The following NT5DC3 variants were observed in gnomAD, a reference collection of about 807,000 sequenced individuals.
The protein encoded by NT5DC3 is 5'-nucleotidase domain containing 3.
In NT5DC3, 42 loss-of-function variants were observed where a neutral mutation model predicts 67.8. The ratio of observed to expected loss-of-function variants is 0.62; its 90% CI spans 0.48 to 0.80. The LOEUF (loss-of-function observed/expected upper bound fraction) is 0.80, where lower values mean the gene tolerates loss of function less well. NT5DC3 is among the 30% of genes least tolerant of loss of function. The pLI is 0.00. For synonymous variants in NT5DC3, 237 were observed against 255.6 expected, an observed-to-expected ratio of 0.93 and a Z score of 0.69; for missense variants, 570 against 696.4, an observed-to-expected ratio of 0.82 and a Z score of 2.04.
At chr12:103,839,563 T>C (rs1398632481) in intron 1 of NT5DC3, among the ~76,000 whole-genome samples, 2 of 152,106 alleles carry the variant, frequency 1.3e-5, no homozygotes, top group Non-Finnish European at 2.9e-5. Context: ...TTAAACTGCA[T>C]GTAAATATAC....
the NT5DC3 span, among the ~76,000 whole-genome samples, chr12:103,750,085 T>C: frequency 6.6e-6 from 1 of 152,070 alleles, no homozygotes; most frequent in East Asian, 1.9e-4. Context: ...ATAGAGTTGT[T>C]GTGGGGATTA....
chr12:103,840,866 G>C, intron 1 of NT5DC3, 83 bp downstream of exon 1: 2 of 737,364 alleles, frequency 2.7e-6, no homozygotes, highest in Non-Finnish European at 3.8e-6. Flanking sequence ...AGCTGGGCTG[G>C]TCCGGGTCCT....
rs1202016626 is a variant in NT5DC3, at chr12:103,776,147, G to A, written c.*1682C>T. Reference sequence around the variant, plus strand: ...ACAGCAGACATTCCCATAGCACTCAGAGAGTGCAGTAAATATGCACTTTAC... The same window carrying A: ...ACAGCAGACATTCCCATAGCACTCAAAGAGTGCAGTAAATATGCACTTTAC... On this transcript the variant is annotated 3_prime_UTR_variant, in exon 14 of 14. Transcript: ENST00000392876. 2 of 152,134 alleles carry A rather than the reference G, an allele frequency of 1.3e-5. No homozygotes were observed. The highest frequency in any genetic ancestry group is 2.9e-5 in the Non-Finnish European group (2 of 68,034). 9.4% of individuals were successfully genotyped at this position (152,134 alleles called of 1,614,324 possible).
chr12:103,763,741 A>C, the NT5DC3 span: 1 of 892,834 alleles, frequency 1.1e-6, no homozygotes, highest in Non-Finnish European at 1.7e-6. Flanking sequence ...AACAAGCCTA[A>C]AAGCCAGTTT....
chr12:103,749,645 C>T, the NT5DC3 span, among the ~76,000 whole-genome samples: 8 of 148,668 alleles, frequency 5.4e-5, no homozygotes, highest in South Asian at 4.3e-4. Context: ...CTGGCTAACA[C>T]GGTGAAACCC....
At position 103,841,063 on chromosome 12, in the gene NT5DC3, G is replaced by A; in HGVS notation, c.94C>T (p.Arg32Trp). The A allele has an allele frequency of 7.9e-7, 1 of 1,264,010 alleles. No homozygotes were observed. Among genetic ancestry groups the A allele is most frequent in the Non-Finnish European group, 9.9e-7 (1 of 1,008,422 alleles). The allele number at this position is 1,264,010 out of a possible 1,614,324, so 78.3% of individuals were successfully genotyped here. The change falls in exon 1 of 14, where the codon CGG (arginine) becomes TGG (tryptophan). Residue 32 changes from arginine (R) to tryptophan (W), a missense_variant. Arg to Trp is a moderately radical substitution (Grantham distance 101, BLOSUM62 -3). Around this residue, in one of 2 missense-constraint regions of NT5DC3, gnomAD observed 104 missense variants for 88.4 expected, o/e 1.18. Transcript: ENST00000392876. ...ALRGGCGTAA[R>W]GRPCAGPARP... is the part of the protein sequence containing the mutation. ...GCGGGGCCCGCACACGGCCGCCCCC[G>A]AGCCGCGGTCCCGCAGCCACCCCGC...
intron 5 of NT5DC3, among the ~76,000 whole-genome samples, chr12:103,797,352 C>A (rs981291764): frequency 6.6e-6 from 1 of 151,888 alleles, no homozygotes; most frequent in African/African-American, 2.4e-5. Context: ...GTGCCTGAAT[C>A]CCAGCTACTC....
chr12:103,807,196 C>T (rs1402212221), intron 2 of NT5DC3, among the ~76,000 whole-genome samples: 1 of 152,188 alleles, frequency 6.6e-6, no homozygotes, highest in East Asian at 1.9e-4. Context: ...CAACTTCTCT[C>T]AACTCTCTCC....
chr12:103,785,750 G>GAA, intron 11 of NT5DC3: 1 of 278,128 alleles, frequency 3.6e-6, no homozygotes, highest in Admixed American at 5.3e-5. Flanking sequence ...ACCATGGTCT[G>GAA]TAAAAAAAAA....
At chr12:103,762,317 T>G in the NT5DC3 span, 1 of 1,614,222 alleles carries the variant, frequency 6.2e-7, no homozygotes, top group Non-Finnish European at 8.5e-7. Flanking sequence ...TTCTTTGCCA[T>G]CATCCTGGTG....
At chr12:103,747,851 C>T in the NT5DC3 span, among the ~76,000 whole-genome samples, 21 of 151,888 alleles carry the variant, frequency 1.4e-4, no homozygotes, top group East Asian at 1.9e-4. Context: ...AAAAATTAGC[C>T]GGGCATGGTG....
the NT5DC3 span, chr12:103,746,649 GAAC>G: frequency 3.1e-6 from 5 of 1,614,124 alleles, no homozygotes; most frequent in Admixed American, 1.7e-5. Flanking sequence ...CCTGTAAGGA[GAAC>G]AACACGTGTG....
rs762200303 is a variant in NT5DC3, at chr12:103,774,684, C to CAAAAAAAAAAAAAAA, written c.*3130_*3144dup. On this transcript the variant is annotated 3_prime_UTR_variant, in exon 14 of 14. Transcript: ENST00000392876. The stretch of plus-strand genomic sequence containing the variant: ...GGGCAAAAAGAGCAAAACTAAATCT[C>CAAAAAAAAAAAAAAA]AAAAAAAAAAAAAAAAAAAAAGAGA... 1.9e-5 allele frequency: 1 copy of CAAAAAAAAAAAAAAA among 51,324 alleles called. No homozygotes were observed. The highest frequency in any genetic ancestry group is 7.2e-5 in the African/African-American group (1 of 13,940). The allele number at this position is 51,324 out of a possible 1,614,324, so 3.2% of individuals were successfully genotyped here.
chr12:103,797,141 A>G, intron 5 of NT5DC3, 110 bp from the exon 6 acceptor site: 1 of 1,142,550 alleles, frequency 8.8e-7, no homozygotes, highest in African/African-American at 1.5e-5. Flanking sequence ...ACGAGATCCC[A>G]TCATCAACAC....
intron 1 of NT5DC3, among the ~76,000 whole-genome samples, chr12:103,838,250 T>C (rs755688198): frequency 1.6e-4 from 24 of 152,210 alleles, no homozygotes; most frequent in Middle Eastern, 3.2e-3. Context: ...GGAGATATGA[T>C]TCAAGTTGAG....
intron 1 of NT5DC3, among the ~76,000 whole-genome samples, chr12:103,817,916 G>A (rs967946752): frequency 5.3e-5 from 8 of 152,164 alleles, no homozygotes; most frequent in Admixed American, 5.2e-4. Flanking sequence ...CACCTGAAAC[G>A]TTCAAGAAGC....
At chr12:103,762,311 T>C in the NT5DC3 span, 2 of 1,614,220 alleles carry the variant, frequency 1.2e-6, no homozygotes, top group South Asian at 1.1e-5. Flanking sequence ...GGGATCTTCT[T>C]TGCCATCATC....
chr12:103,824,496 G>A (rs1887611473), intron 1 of NT5DC3, among the ~76,000 whole-genome samples: 1 of 152,178 alleles, frequency 6.6e-6, no homozygotes, highest in South Asian at 2.1e-4. Context: ...AGTCACAGCT[G>A]CTGGTCCAGG....
At chr12:103,746,735 C>T in the NT5DC3 span, 2 of 1,606,534 alleles carry the variant, frequency 1.2e-6, no homozygotes, top group African/African-American at 1.3e-5. Flanking sequence ...GGTGAAATAG[C>T]AGCATGGTGT....
Sources: gnomAD v4.1 joint callset for allele counts (sites outside exome capture counted in the v4.1 genomes callset) on GRCh38, gnomAD v4.1.1 for gene constraint, gnomAD v4.1.1 regional missense constraint, MANE v1.5 for transcripts, NCBI Gene and HGNC (gene_info 2026-07-23, HGNC 2026-07-21) for gene names.